SCN3A: variants seen among roughly 807,000 people sequenced by gnomAD.
The protein encoded by SCN3A is sodium channel protein type 3 subunit alpha.
Under a neutral mutation model 187.6 loss-of-function variants are expected in SCN3A, and 60 were observed. The observed-to-expected ratio is 0.32, with a 90% confidence interval of 0.26 to 0.40. The LOEUF (loss-of-function observed/expected upper bound fraction) is 0.40, where lower values mean the gene tolerates loss of function less well. Ranked by LOEUF, SCN3A falls within the 10% of genes least tolerant of loss-of-function variation. The probability of loss-of-function intolerance (pLI) is 1.00; values close to 1 mark genes in which losing one functional copy is unlikely to be tolerated. For synonymous variants in SCN3A, 788 were observed against 829.2 expected, an observed-to-expected ratio of 0.95 and a Z score of 0.85; for missense variants, 1,601 against 2,428.2, an observed-to-expected ratio of 0.66 and a Z score of 7.16.
intron 15 of SCN3A, among the ~76,000 whole-genome samples, chr2:165,132,533 G>A (rs2105782058): frequency 6.6e-6 from 1 of 152,272 alleles, no homozygotes; most frequent in African/African-American, 2.4e-5. Flanking sequence ...AATGGGAAAA[G>A]GATTCCCTAT....
chr2:165,153,298 A>C (rs1021563161), intron 11 of SCN3A, among the ~76,000 whole-genome samples: 1 of 152,190 alleles, frequency 6.6e-6, no homozygotes, highest in Non-Finnish European at 1.5e-5. Context: ...ATTAACTAAA[A>C]TGGGTTATTT....
chr2:165,147,273 G>T, intron 11 of SCN3A, among the ~76,000 whole-genome samples: 1 of 102,710 alleles, frequency 9.7e-6, no homozygotes, highest in Non-Finnish European at 2.0e-5. Context: ...CTTCTGGATT[G>T]TCTTTTTTTT....
chr2:165,162,630 G>A lies in SCN3A; in HGVS notation c.893C>T (p.Thr298Ile), dbSNP rs749622694. 12 of 1,614,138 alleles carry A rather than the reference G, an allele frequency of 7.4e-6. No individual in the cohort carries two copies. The highest frequency in any genetic ancestry group is 1.0e-5 in the Non-Finnish European group (12 of 1,180,010). The change falls in exon 8 of 28, where the codon ACA becomes ATA. Residue 298 changes from threonine to isoleucine, a missense_variant. Coordinates refer to ENST00000283254, the MANE Select transcript of SCN3A (RefSeq NM_006922.4). ...ETNTTSYFNG[T>I]MDSNGTFVNV... The stretch of plus-strand genomic sequence containing the variant: ...AACAAATGTCCCATTTGAATCCATT[G>A]TGCCATTAAAGTAGGAAGTGGTGTT...
intron 18 of SCN3A, among the ~76,000 whole-genome samples, chr2:165,119,457 C>T (rs1686542530): frequency 1.3e-5 from 2 of 152,134 alleles, no homozygotes; most frequent in Admixed American, 1.3e-4. Flanking sequence ...AAGAACTTTA[C>T]TGCTGTATTT....
At chr2:165,103,015 C>G (rs533907364) in intron 21 of SCN3A, among the ~76,000 whole-genome samples, 19 of 152,278 alleles carry the variant, frequency 1.2e-4, no homozygotes, top group African/African-American at 4.3e-4. Context: ...TCTGATCAAT[C>G]ACATACATAA....
intron 12 of SCN3A, among the ~76,000 whole-genome samples, chr2:165,143,360 G>T (rs1688128528): frequency 6.6e-6 from 1 of 152,216 alleles, no homozygotes; most frequent in Non-Finnish European, 1.5e-5. Context: ...TTGGGAGTAT[G>T]TGGTACGTGT....
rs1446105245 is a variant in SCN3A at position 165,090,165 on chromosome 2, T to C, written c.5988A>G (p.Arg1996=). 4 of 1,584,968 alleles carry C rather than the reference T, an allele frequency of 2.5e-6. No homozygotes were observed. The highest frequency in any genetic ancestry group is 2.3e-5 in the South Asian group (2 of 88,620). ...TTGTTTCTTTTTACTTTTGATTTTC[T>C]CTGACCTCTTTTCCTTTGCTTTCTT... The part of the protein sequence containing the change: ...PEKESKGKEV[R]ENQK The change falls in exon 28 of 28, where the codon AGA becomes AGG. Residue 1996 remains arginine (R), a synonymous_variant. Transcript: ENST00000283254. This position sits in a 1 kb window ranked among gnomAD's most constrained non-coding sequence, Gnocchi z 4.0.
At chr2:165,111,841 G>C (rs1378232730) in intron 21 of SCN3A, among the ~76,000 whole-genome samples, 2 of 152,164 alleles carry the variant, frequency 1.3e-5, no homozygotes, top group Non-Finnish European at 2.9e-5. Context: ...CAAGGAAATT[G>C]AAAGTCATTT....
chr2:165,097,541 G>A lies in SCN3A; in HGVS notation c.3967-17C>T, dbSNP rs766995330. On this transcript the variant is annotated splice_polypyrimidine_tract_variant and intron_variant, in intron 22 of 27. Coordinates refer to ENST00000283254, the MANE Select transcript of SCN3A (RefSeq NM_006922.4). ...CACAACCACCTAGAAGAGACAGCGA[G>A]GGGAACATAGCTTACAAACCTTTTG... 5 of 1,612,638 alleles carry A rather than the reference G, an allele frequency of 3.1e-6. No homozygotes were observed. Among genetic ancestry groups the A allele is most frequent in the Admixed American group, 1.7e-5 (1 of 60,012 alleles).
Position 165,113,932 on chromosome 2 carries a change from C to T in SCN3A, c.3553G>A (p.Glu1185Lys). The T allele has an allele frequency of 6.2e-7, 1 of 1,611,738 alleles. No homozygotes were observed. Residue 1185 changes from glutamate (E) to lysine (K), a missense_variant, in exon 20 of 28, where the codon GAA (glutamate) becomes AAA (lysine). Physicochemically the swap from Glu to Lys is moderately conservative, Grantham distance 56. Coordinates refer to ENST00000283254, the MANE Select transcript of SCN3A (RefSeq NM_006922.4). ...CACCAGATCTTCCCTTTGCCTTCTT[C>T]TGTACTTACTTGACAGAATGGAAAC... is the stretch of plus-strand genomic sequence containing the variant. Reference protein sequence around the residue: ...KKFPFCQVSTEEGKGKIWWNL... With the variant: ...KKFPFCQVSTKEGKGKIWWNL...
intron 1 of SCN3A, among the ~76,000 whole-genome samples, chr2:165,195,732 C>G (rs1165055246): frequency 1.3e-5 from 2 of 152,016 alleles, no homozygotes; most frequent in Non-Finnish European, 2.9e-5. Context: ...AGAAAGGTGT[C>G]TTACAATGAC....
At chr2:165,177,574 G>T (rs1690545493) in intron 2 of SCN3A, among the ~76,000 whole-genome samples, 1 of 152,056 alleles carries the variant, frequency 6.6e-6, no homozygotes, top group African/African-American at 2.4e-5. Flanking sequence ...ACAAGTTCTT[G>T]CTGTGCTGGA....
At chr2:165,194,257 G>C (rs186618837) in intron 1 of SCN3A, among the ~76,000 whole-genome samples, 1 of 152,096 alleles carries the variant, frequency 6.6e-6, no homozygotes, top group Non-Finnish European at 1.5e-5. Context: ...AAAAAAGAAG[G>C]GAGAGGTGGG....
chr2:165,163,853 G>A, intron 6 of SCN3A, 144 bp from the exon 7 acceptor site: 1 of 1,613,866 alleles, frequency 6.2e-7, no homozygotes, highest in Non-Finnish European at 8.5e-7. Flanking sequence ...AAAGTTCGAA[G>A]GGCTGAAACA....
chr2:165,162,911 C>T, intron 7 of SCN3A, 83 bp from the exon 8 acceptor site: 1 of 1,527,440 alleles, frequency 6.5e-7, no homozygotes, highest in East Asian at 2.3e-5. Context: ...TCTCTTTCCC[C>T]CATAAATGAT....
Position 165,162,328 on chromosome 2 carries a change from A to T in SCN3A, c.1011T>A (p.Cys337Ter), listed in dbSNP as rs1553536735. ...VLDGQKDPLL[C>*]GNGSDAGQCP... Reference sequence around the variant, plus strand: ...CTTACCCTGCATCTGAGCCATTTCCACAGAGTAAAGGGTCTTTTTGCCCAT... The same window carrying T: ...CTTACCCTGCATCTGAGCCATTTCCTCAGAGTAAAGGGTCTTTTTGCCCAT... The change falls in exon 9 of 28, where the codon TGT becomes TGA. Residue 337 changes from cysteine (C) to a stop codon, truncating the protein, a stop_gained. Coordinates refer to ENST00000283254, the MANE Select transcript of SCN3A (RefSeq NM_006922.4). LOFTEE classifies it high-confidence loss of function. 6.2e-7 allele frequency: 1 copy of T among 1,613,398 alleles called. No homozygotes were observed. The highest frequency in any genetic ancestry group is 8.5e-7 in the Non-Finnish European group (1 of 1,179,760).
chr2:165,089,338 A>G lies in SCN3A; in HGVS notation c.*812T>C, dbSNP rs919203320. The G allele has an allele frequency of 1.3e-5, 2 of 152,654 alleles. No individual in the cohort carries two copies. The highest frequency in any genetic ancestry group is 3.8e-4 in the East Asian group (2 of 5,200). The allele number at this position is 152,654 out of a possible 1,614,324, so 9.5% of individuals were successfully genotyped here. Reference sequence around the variant, plus strand: ...AAAGTGGAACAACTATTCTAAAGCAATACTTTAGATATATTTTTCTAGAAT... The same window carrying G: ...AAAGTGGAACAACTATTCTAAAGCAGTACTTTAGATATATTTTTCTAGAAT... On this transcript the variant is annotated 3_prime_UTR_variant, in exon 28 of 28. Transcript: ENST00000283254.
chr2:165,117,025 C>T (rs1686404611), intron 18 of SCN3A, among the ~76,000 whole-genome samples: 1 of 148,690 alleles, frequency 6.7e-6, no homozygotes, highest in Non-Finnish European at 1.5e-5. Flanking sequence ...TTCTCCTCTC[C>T]TAGGATTTTT....
At chr2:165,179,834 T>C (rs1448891915) in intron 2 of SCN3A, 1 of 152,178 alleles carries the variant, frequency 6.6e-6, no homozygotes, top group Non-Finnish European at 1.5e-5. Flanking sequence ...TTTTACTTTT[T>C]TCCTCTCCTT....
Sources: gnomAD v4.1 joint callset for allele counts (sites outside exome capture counted in the v4.1 genomes callset) on GRCh38, gnomAD v4.1.1 for gene constraint, Gnocchi (gnomAD v3.1) non-coding constraint, MANE v1.5 for transcripts, NCBI Gene and HGNC (gene_info 2026-07-23, HGNC 2026-07-21) for gene names.